The following RPS6KA1 variants were observed in gnomAD, a reference collection of about 807,000 sequenced individuals.
The protein encoded by RPS6KA1 is ribosomal protein S6 kinase A1.
A neutral mutation model predicts 91.3 loss-of-function variants in RPS6KA1; 48 were observed. The ratio of observed to expected loss-of-function variants is 0.53; its 90% CI spans 0.42 to 0.67. RPS6KA1 has a LOEUF of 0.67. Among genes scored for constraint, RPS6KA1 ranks in the 30% least tolerant of loss-of-function variants. The pLI, the probability that RPS6KA1 is intolerant of heterozygous loss-of-function variation, is 0.00. For synonymous variants in RPS6KA1, 359 were observed against 384.7 expected (o/e 0.93, Z 0.78); for missense variants, 719 against 960.5 (o/e 0.75, Z 3.32).
At position 26,554,619 on chromosome 1, in the gene RPS6KA1, A is replaced by G. The variant is rs1424911588; in HGVS notation, c.637A>G (p.Ile213Val). ...AGACTTTGGCCTGAGCAAAGAGGCC[A>G]TTGACCACGAGAAGAAGGCCTATTC... ...LTDFGLSKEA[I>V]DHEKKAYSFC... is the part of the protein sequence containing the mutation. The change falls in exon 9 of 22, where the codon ATT becomes GTT. Residue 213 changes from isoleucine to valine, a missense_variant. Ile to Val is a conservative substitution (Grantham distance 29). Around this residue, in one of 5 missense-constraint regions of RPS6KA1, gnomAD observed 159 missense variants for 264.5 expected, o/e 0.60. Coordinates refer to ENST00000374168, the MANE Select transcript of RPS6KA1 (RefSeq NM_002953.4). The surrounding 1 kb of genome is among the most constrained non-coding windows in gnomAD (Gnocchi z 4.6). 2 of 1,613,468 alleles carry G rather than the reference A, an allele frequency of 1.2e-6. No individual in the cohort carries two copies. The highest frequency in any genetic ancestry group is 1.7e-6 in the Non-Finnish European group (2 of 1,179,620).
rs1191536898 is a variant in RPS6KA1 at position 26,571,551 on chromosome 1, C to T, written c.1693C>T (p.Arg565Trp). The T allele has an allele frequency of 2.5e-6, 4 of 1,614,070 alleles. No homozygotes were observed. The highest frequency in any genetic ancestry group is 1.3e-5 in the African/African-American group (1 of 74,924). The change falls in exon 18 of 22, where the codon CGG (arginine) becomes TGG (tryptophan). Residue 565 changes from arginine to tryptophan, a missense_variant. Physicochemically the swap from Arg to Trp is moderately radical, Grantham distance 101. Around this residue, in one of 5 missense-constraint regions of RPS6KA1, gnomAD observed 249 missense variants for 323.1 expected, o/e 0.77. Transcript: ENST00000374168. The surrounding 1 kb of genome is among the most constrained non-coding windows in gnomAD (Gnocchi z 5.1). ...ICDFGFAKQL[R>W]AENGLLMTPC... ...TGACTTTGGTTTTGCCAAACAGCTG[C>T]GGGCTGAGAATGGGCTCCTCATGAC...
chr1:26,531,930 C>T (rs1044411425), intron 1 of RPS6KA1, among the ~76,000 whole-genome samples: 29 of 152,150 alleles, frequency 1.9e-4, no homozygotes, highest in Non-Finnish European at 2.6e-4. Context: ...GCTGTTCTCA[C>T]TGGAGAACAG....
chr1:26,574,431 CTTTT>C lies in RPS6KA1; in HGVS notation c.*235_*238del. On this transcript the variant is annotated 3_prime_UTR_variant, in exon 22 of 22. Transcript: ENST00000374168. This position sits in a 1 kb window ranked among gnomAD's most constrained non-coding sequence, Gnocchi z 4.3. ...GGTGGAAAGCGATTCACTGTATAAA[CTTTT>C]TTTTATGAAAAAAATGGCATCAACC... The C allele has an allele frequency of 1.4e-6, 1 of 737,682 alleles. No individual in the cohort carries two copies. Among genetic ancestry groups the C allele is most frequent in the South Asian group, 1.4e-5 (1 of 72,192 alleles). 45.7% of individuals were successfully genotyped at this position (737,682 alleles called of 1,614,324 possible). A position where few individuals can be genotyped will look rare whatever the true frequency, so the allele number is the denominator to read the frequency against.
Position 26,547,522 on chromosome 1 carries a change from C to T in RPS6KA1, c.307+252C>T, listed in dbSNP as rs190018491. Reference sequence around the variant, plus strand: ...TAAATGCAATGTGTTTGTCAGGGGGCGGGGCCCTCAACTACCAAGCTGGTC... The same window carrying T: ...TAAATGCAATGTGTTTGTCAGGGGGTGGGGCCCTCAACTACCAAGCTGGTC... On this transcript the variant is annotated intron_variant, in intron 4 of 21. Coordinates refer to ENST00000374168, the MANE Select transcript of RPS6KA1 (RefSeq NM_002953.4). This position sits in a 1 kb window ranked among gnomAD's most constrained non-coding sequence, Gnocchi z 4.1. 1.8e-3 allele frequency: 817 copies of T among 444,346 alleles called. 6 individuals are homozygous for T. The highest frequency in any genetic ancestry group is 0.015 in the African/African-American group (755 of 50,340). The allele number at this position is 444,346 out of a possible 1,614,324, so 27.5% of individuals were successfully genotyped here. A position where few individuals can be genotyped will look rare whatever the true frequency, so the allele number is the denominator to read the frequency against.
rs2229713 is a variant in RPS6KA1, at chr1:26,574,129, C to G, written c.2136C>G (p.Pro712=). The change falls in exon 22 of 22, where the codon CCC becomes CCG. Residue 712 remains proline (P), a synonymous_variant. Transcript: ENST00000374168. The surrounding 1 kb of genome is among the most constrained non-coding windows in gnomAD (Gnocchi z 4.3). Reference sequence around the variant, plus strand: ...CACTCAACAGCTCCAAGCCCACCCCCCAGCTGAAGCCCATCGAGTCATCCA... The same window carrying G: ...CACTCAACAGCTCCAAGCCCACCCCGCAGCTGAAGCCCATCGAGTCATCCA... The part of the protein sequence containing the change: ...YSALNSSKPT[P]QLKPIESSIL... 309 of 1,614,174 alleles carry G rather than the reference C, an allele frequency of 1.9e-4. 1 individual carries two copies. The East Asian group carries it at 6.5e-3, about 34-fold the overall frequency.
At position 26,547,612 on chromosome 1, in the gene RPS6KA1, CAG is replaced by C. The variant is rs1252521371; in HGVS notation, c.307+343_307+344del. 8 of 255,552 alleles carry C rather than the reference CAG, an allele frequency of 3.1e-5. No individual in the cohort carries two copies. In the East Asian group the frequency reaches 6.5e-4, roughly 21 times the overall value. 15.8% of individuals were successfully genotyped at this position (255,552 alleles called of 1,614,324 possible). ...GGGGAGACCTCTGTGGCCCCTAACT[CAG>C]GGGCCTGAGAGAAGGGCGTGAGTGA... On this transcript the variant is annotated intron_variant, in intron 4 of 21. Transcript: ENST00000374168. The surrounding 1 kb of genome is among the most constrained non-coding windows in gnomAD (Gnocchi z 4.1).
intron 17 of RPS6KA1, among the ~76,000 whole-genome samples, chr1:26,567,020 A>ACT (rs67159056): frequency 0.35 from 51,191 of 146,222 alleles, 9,447 homozygotes; most frequent in East Asian, 0.75. Context: ...TTACATATTA[A>ACT]CTTTTTTTTT....
chr1:26,573,201 C>T, intron 20 of RPS6KA1, 23 bp from the exon 21 acceptor site: 1 of 1,612,406 alleles, frequency 6.2e-7, no homozygotes, highest in Middle Eastern at 1.7e-4. Context: ...CTCCCCCAAC[C>T]CCCTTGCCCA....
chr1:26,550,593 A>G (rs2124634961), intron 4 of RPS6KA1, among the ~76,000 whole-genome samples: 1 of 152,340 alleles, frequency 6.6e-6, no homozygotes, highest in African/African-American at 2.4e-5. Flanking sequence ...TGCTGGGATT[A>G]CAGGCATGAG....
intron 14 of RPS6KA1, among the ~76,000 whole-genome samples, chr1:26,559,625 C>T (rs1028324200): frequency 6.6e-6 from 1 of 151,622 alleles, no homozygotes; most frequent in African/African-American, 2.4e-5. Context: ...AGTGATCCGC[C>T]CACCTCAGCC....
chr1:26,535,922 G>A (rs372559108), intron 1 of RPS6KA1, among the ~76,000 whole-genome samples: 7 of 152,066 alleles, frequency 4.6e-5, no homozygotes, highest in Admixed American at 6.6e-5. Context: ...AGGCCGAGGC[G>A]GGCGGATCAC....
At chr1:26,538,262 C>G (rs1268295856) in intron 2 of RPS6KA1, among the ~76,000 whole-genome samples, 2 of 152,160 alleles carry the variant, frequency 1.3e-5, no homozygotes, top group Non-Finnish European at 2.9e-5. Context: ...CCTCTTGTTG[C>G]CTAGTAACAA....
intron 17 of RPS6KA1, among the ~76,000 whole-genome samples, chr1:26,566,651 T>C (rs777996870): frequency 1.3e-5 from 2 of 152,194 alleles, no homozygotes; most frequent in Non-Finnish European, 2.9e-5. Context: ...CATATGTTTA[T>C]TGCCATTTGG....
At chr1:26,557,666 T>C (rs2076114500) in intron 13 of RPS6KA1, among the ~76,000 whole-genome samples, 1 of 152,024 alleles carries the variant, frequency 6.6e-6, no homozygotes, top group Admixed American at 6.6e-5. Context: ...TCCTAACTTT[T>C]TGGCCAGATA....
chr1:26,567,591 G>A (rs553697213), intron 17 of RPS6KA1, among the ~76,000 whole-genome samples: 22 of 152,270 alleles, frequency 1.4e-4, no homozygotes, highest in African/African-American at 4.8e-4. Context: ...ATGTTGGTAA[G>A]GCTGGTCTTG....
At position 26,529,934 on chromosome 1, in the gene RPS6KA1, A is replaced by G; in HGVS notation, c.14A>G (p.Gln5Arg). The G allele has an allele frequency of 7.0e-7, 1 of 1,431,546 alleles. No individual in the cohort carries two copies. The highest frequency in any genetic ancestry group is 9.1e-7 in the Non-Finnish European group (1 of 1,093,112). The allele number at this position is 1,431,546 out of a possible 1,614,324, so 88.7% of individuals were successfully genotyped here. A position where few individuals can be genotyped will look rare whatever the true frequency, so the allele number is the denominator to read the frequency against. ...GGCGGCGGCGAGATGCCGCTCGCCC[A>G]GCTCAAGGAGCCCTGGCCGCTCATG... MPLA[Q>R]LKEPWPLMEL... The change falls in exon 1 of 22, where the codon CAG (glutamine) becomes CGG (arginine). Residue 5 changes from glutamine (Q) to arginine (R), a missense_variant. By Grantham distance (43) the Gln-to-Arg change is conservative. This residue lies in a region of RPS6KA1 where 57 missense variants were observed against 55.8 expected (regional missense o/e 1.02). Coordinates refer to ENST00000374168, the MANE Select transcript of RPS6KA1 (RefSeq NM_002953.4). The surrounding 1 kb of genome is among the most constrained non-coding windows in gnomAD (Gnocchi z 4.2).
At chr1:26,560,543 G>C (rs1264573132) in intron 14 of RPS6KA1, among the ~76,000 whole-genome samples, 183 bp from the exon 15 acceptor site, 1 of 152,236 alleles carries the variant, frequency 6.6e-6, no homozygotes, top group Non-Finnish European at 1.5e-5. Context: ...CCATTATATA[G>C]AGTAGAAAAC....
In RPS6KA1 at chr1:26,561,556, G is replaced by A. The variant is rs1179623476; in HGVS notation, c.1483G>A (p.Gly495Arg). The change falls in exon 17 of 22, where the codon GGG becomes AGG. Residue 495 changes from glycine (G) to arginine (R), a missense_variant. Coordinates refer to ENST00000374168, the MANE Select transcript of RPS6KA1 (RefSeq NM_002953.4). The surrounding 1 kb of genome is among the most constrained non-coding windows in gnomAD (Gnocchi z 5.7). ...CCTGGTGACAGAGCTGATGCGGGGT[G>A]GGGAGCTGCTGGACAAGATCCTGCG... ...VYLVTELMRG[G>R]ELLDKILRQK... The A allele has an allele frequency of 1.2e-6, 2 of 1,614,032 alleles. No homozygotes were observed. The highest frequency in any genetic ancestry group is 1.3e-5 in the African/African-American group (1 of 74,912).
intron 17 of RPS6KA1, among the ~76,000 whole-genome samples, chr1:26,562,942 C>A (rs1399710732): frequency 1.5e-5 from 2 of 135,024 alleles, no homozygotes; most frequent in African/African-American, 6.5e-5. Flanking sequence ...GTTCAAGTGA[C>A]TCTCCTGCCT....
Sources: allele counts gnomAD v4.1 joint callset (sites outside exome capture counted in the v4.1 genomes callset), GRCh38; gene constraint gnomAD v4.1.1; regional missense constraint gnomAD v4.1.1; non-coding constraint Gnocchi (gnomAD v3.1); transcripts MANE v1.5; gene names NCBI Gene and HGNC (gene_info 2026-07-23, HGNC 2026-07-21).